The following MFSD6 variants were observed in gnomAD, a reference collection of about 807,000 sequenced individuals.
MFSD6 encodes major facilitator superfamily domain-containing protein 6.
Under a neutral mutation model 56.3 loss-of-function variants are expected in MFSD6, and 26 were observed. The ratio of observed to expected loss-of-function variants is 0.46; its 90% CI spans 0.34 to 0.64. The LOEUF is 0.64. Ranked by LOEUF, MFSD6 falls within the 30% of genes least tolerant of loss-of-function variation. The pLI, the probability that MFSD6 is intolerant of heterozygous loss-of-function variation, is 0.01. For synonymous variants in MFSD6, 331 were observed against 366.9 expected (o/e 0.90, Z 1.12); for missense variants, 750 against 986.2 (o/e 0.76, Z 3.21).
At position 190,467,765 on chromosome 2, in the gene MFSD6, A is replaced by G. The variant is rs1453506922; in HGVS notation, c.1533-1993A>G. ...ATGGTTGAAAAAAAACACAAGAAGA[A>G]TAAGATTTTGTGACACATGAAAATT... On this transcript the variant is annotated intron_variant, in intron 3 of 7. Transcript: ENST00000392328. The surrounding 1 kb of genome is among the most constrained non-coding windows in gnomAD (Gnocchi z 5.5). 6.6e-6 allele frequency among the ~76,000 whole-genome samples: 1 copy of G among 152,220 alleles called. No individual in the cohort carries two copies. Among genetic ancestry groups the G allele is most frequent in the Non-Finnish European group, 1.5e-5 (1 of 68,040 alleles).
Position 190,488,655 on chromosome 2 carries a change from A to C in MFSD6, c.1631-2A>C. On this transcript the variant is annotated splice_acceptor_variant, in intron 4 of 7. Coordinates refer to ENST00000392328, the MANE Select transcript of MFSD6 (RefSeq NM_017694.4). LOFTEE classifies it high-confidence loss of function. This position sits in a 1 kb window ranked among gnomAD's most constrained non-coding sequence, Gnocchi z 6.4. ...ATCCCTCCTGCTCTTCTTCCTCTCC[A>C]GGAGTGACACACGCGGCCATCTGGG... 6.5e-7 allele frequency: 1 copy of C among 1,534,238 alleles called. No individual in the cohort carries two copies. Among genetic ancestry groups the C allele is most frequent in the Non-Finnish European group, 8.8e-7 (1 of 1,140,088 alleles).
At chr2:190,481,996 T>TC (rs1215389338) in intron 4 of MFSD6, among the ~76,000 whole-genome samples, 9 of 152,172 alleles carry the variant, frequency 5.9e-5, no homozygotes, top group African/African-American at 2.2e-4. Flanking sequence ...TTTCCCAGCC[T>TC]CCCTTGCAGT....
rs571346764 is a variant in MFSD6, at chr2:190,457,691, T to A, written c.1533-12067T>A. On this transcript the variant is annotated intron_variant, in intron 3 of 7. Transcript: ENST00000392328. The surrounding 1 kb of genome is among the most constrained non-coding windows in gnomAD (Gnocchi z 5.1). ...ATTTGCATTTAATTTAATGGTAGCT[T>A]ACATATTTGCACAGTGTTTTGCAGT... 1.3e-5 allele frequency among the ~76,000 whole-genome samples: 2 copies of A among 152,340 alleles called. No individual in the cohort carries two copies. The highest frequency in any genetic ancestry group is 3.9e-4 in the East Asian group (2 of 5,184).
chr2:190,432,869 T>C lies in MFSD6; in HGVS notation c.-53-3108T>C, dbSNP rs187837229. ...TCTCTCTCTCTCTCTTTCACTCACT[T>C]ACTCACACATACACTCTTTCTCTTA... On this transcript the variant is annotated intron_variant, in intron 2 of 7. Transcript: ENST00000392328. 2.1e-3 allele frequency among the ~76,000 whole-genome samples: 300 copies of C among 146,110 alleles called. 1 individual carries two copies. The highest frequency in any genetic ancestry group is 3.6e-3 in the Non-Finnish European group (238 of 66,358).
At position 190,456,514 on chromosome 2, in the gene MFSD6, G is replaced by A. The variant is rs1001584134; in HGVS notation, c.1533-13244G>A. ...CCGCTGGTGATATGAGCCCCACTCC[G>A]GGAACTCCCTGGCTGCTCTAGGAAC... On this transcript the variant is annotated intron_variant, in intron 3 of 7. Coordinates refer to ENST00000392328, the MANE Select transcript of MFSD6 (RefSeq NM_017694.4). This position sits in a 1 kb window ranked among gnomAD's most constrained non-coding sequence, Gnocchi z 5.4. Among the ~76,000 whole-genome samples the A allele has an allele frequency of 3.3e-5, 5 of 152,260 alleles. No homozygotes were observed. The highest frequency in any genetic ancestry group is 1.9e-4 in the East Asian group (1 of 5,168).
rs1163811892 is a variant in MFSD6 at position 190,439,416 on chromosome 2, C to T, written c.1532+1855C>T. 6.6e-5 allele frequency among the ~76,000 whole-genome samples: 10 copies of T among 151,814 alleles called. No individual in the cohort carries two copies. Among genetic ancestry groups the T allele is most frequent in the African/African-American group, 1.2e-4 (5 of 41,320 alleles). On this transcript the variant is annotated intron_variant, in intron 3 of 7. Coordinates refer to ENST00000392328, the MANE Select transcript of MFSD6 (RefSeq NM_017694.4). The surrounding 1 kb of genome is among the most constrained non-coding windows in gnomAD (Gnocchi z 5.8). ...TAAGTTTTAGGGTACACGTGCACAACGTGCAGATTTGTTGCATGTGTATAG... is the reference window on the plus strand; with the variant it reads ...TAAGTTTTAGGGTACACGTGCACAATGTGCAGATTTGTTGCATGTGTATAG...
chr2:190,495,263 ATAAAG>A lies in MFSD6; in HGVS notation c.1892-2173_1892-2169del, dbSNP rs1689604240. On this transcript the variant is annotated intron_variant, in intron 6 of 7. Coordinates refer to ENST00000392328, the MANE Select transcript of MFSD6 (RefSeq NM_017694.4). This position sits in a 1 kb window ranked among gnomAD's most constrained non-coding sequence, Gnocchi z 4.7. ...ACACCTTTTATAATAGCTGCAAAAA[ATAAAG>A]TATTTAGGAATACACCTAACCAAGG... 1.3e-5 allele frequency among the ~76,000 whole-genome samples: 2 copies of A among 152,160 alleles called. No individual in the cohort carries two copies. Among genetic ancestry groups the A allele is most frequent in the South Asian group, 4.1e-4 (2 of 4,830 alleles).
chr2:190,497,863 C>A lies in MFSD6; in HGVS notation c.2172+144C>A, dbSNP rs1395892493. On this transcript the variant is annotated intron_variant, in intron 7 of 7. Transcript: ENST00000392328. The surrounding 1 kb of genome is among the most constrained non-coding windows in gnomAD (Gnocchi z 5.2). ...TAGACATGCAAACAATTTCAGTACT[C>A]TGTGAGCACTGAGTTAAAGAGGGTG... 2 of 927,128 alleles carry A rather than the reference C, an allele frequency of 2.2e-6. No homozygotes were observed. Among genetic ancestry groups the A allele is most frequent in the Non-Finnish European group, 3.2e-6 (2 of 627,336 alleles). 57.4% of individuals were successfully genotyped at this position (927,128 alleles called of 1,614,324 possible). A position where few individuals can be genotyped will look rare whatever the true frequency, so the allele number is the denominator to read the frequency against.
rs1686269617 is a variant in MFSD6 at position 190,438,821 on chromosome 2, A to G, written c.1532+1260A>G. 6.6e-6 allele frequency among the ~76,000 whole-genome samples: 1 copy of G among 152,218 alleles called. No homozygotes were observed. The highest frequency in any genetic ancestry group is 2.4e-5 in the African/African-American group (1 of 41,458). On this transcript the variant is annotated intron_variant, in intron 3 of 7. Transcript: ENST00000392328. The surrounding 1 kb of genome is among the most constrained non-coding windows in gnomAD (Gnocchi z 5.2). ...ACAATCCTTTATTTCCTTTCTATTA[A>G]CTGAAGAAAATATTTTCTAATTTAA... is the stretch of plus-strand genomic sequence containing the variant.
rs765990805 is a variant in MFSD6 at position 190,500,205 on chromosome 2, C to T, written c.2363C>T (p.Ala788Val). 25 of 1,614,008 alleles carry T rather than the reference C, an allele frequency of 1.5e-5. 1 individual carries two copies. Among genetic ancestry groups the T allele is most frequent in the South Asian group, 6.6e-5 (6 of 91,078 alleles). The change falls in exon 8 of 8, where the codon GCG becomes GTG. Residue 788 changes from alanine (A) to valine (V), a missense_variant. By Grantham distance (64) the Ala-to-Val change is moderately conservative (BLOSUM62 0). Around this residue, in one of 5 missense-constraint regions of MFSD6, gnomAD observed 172 missense variants for 203.9 expected, o/e 0.84. Transcript: ENST00000392328. This position sits in a 1 kb window ranked among gnomAD's most constrained non-coding sequence, Gnocchi z 5.3. Reference sequence around the variant, plus strand: ...GAAGAGCAGCAGGCTCAGCTGGCCGCGGGAGGACACTGAGGGCATCCTGCT... The same window carrying T: ...GAAGAGCAGCAGGCTCAGCTGGCCGTGGGAGGACACTGAGGGCATCCTGCT... ...ESEEQQAQLA[A>V]GGH
At position 190,426,519 on chromosome 2, in the gene MFSD6, T is replaced by G. The variant is rs755933312; in HGVS notation, c.-53-9458T>G. On this transcript the variant is annotated intron_variant, in intron 2 of 7. Coordinates refer to ENST00000392328, the MANE Select transcript of MFSD6 (RefSeq NM_017694.4). The surrounding 1 kb of genome is among the most constrained non-coding windows in gnomAD (Gnocchi z 4.7). ...TAAATTCAGGGGGTACAATGCATGT[T>G]TGTTACATGGGTATATTGTGTAGTT... 1.3e-5 allele frequency among the ~76,000 whole-genome samples: 2 copies of G among 152,218 alleles called. No homozygotes were observed. Among genetic ancestry groups the G allele is most frequent in the African/African-American group, 4.8e-5 (2 of 41,460 alleles).
At position 190,412,468 on chromosome 2, in the gene MFSD6, C is replaced by T; in HGVS notation, c.-175-2824C>T. The stretch of plus-strand genomic sequence containing the variant: ...TAAAGGCAGAAATCAAGTGCAAAGT[C>T]CTACCCTACTACAAGGCCAGTTTGG... On this transcript the variant is annotated intron_variant, in intron 1 of 7. Transcript: ENST00000392328. This position sits in a 1 kb window ranked among gnomAD's most constrained non-coding sequence, Gnocchi z 4.1. The T allele has an allele frequency of 5.1e-6, 5 of 985,360 alleles. No homozygotes were observed. Among genetic ancestry groups the T allele is most frequent in the Non-Finnish European group, 6.0e-6 (5 of 829,902 alleles). The allele number at this position is 985,360 out of a possible 1,614,324, so 61.0% of individuals were successfully genotyped here. A position where few individuals can be genotyped will look rare whatever the true frequency, so the allele number is the denominator to read the frequency against.
At position 190,463,880 on chromosome 2, in the gene MFSD6, G is replaced by A. The variant is rs1030800396; in HGVS notation, c.1533-5878G>A. ...CTGAGAATGATGGAGCCCAATCTAA[G>A]GGCGCACCATATACTGTCTACCATA... On this transcript the variant is annotated intron_variant, in intron 3 of 7. Coordinates refer to ENST00000392328, the MANE Select transcript of MFSD6 (RefSeq NM_017694.4). The surrounding 1 kb of genome is among the most constrained non-coding windows in gnomAD (Gnocchi z 4.4). 1.0e-6 allele frequency: 1 copy of A among 984,410 alleles called. No individual in the cohort carries two copies. Among genetic ancestry groups the A allele is most frequent in the African/African-American group, 1.7e-5 (1 of 57,298 alleles). The allele number at this position is 984,410 out of a possible 1,614,324, so 61.0% of individuals were successfully genotyped here.
At chr2:190,493,138 C>T (rs573646498) in intron 6 of MFSD6, among the ~76,000 whole-genome samples, 5 of 152,062 alleles carry the variant, frequency 3.3e-5, no homozygotes, top group South Asian at 2.1e-4. Context: ...TCAAGAGACT[C>T]GCCTAACACA....
rs961258458 is a variant in MFSD6, at chr2:190,415,561, T to C, written c.-54+148T>C. 1 of 152,206 alleles carries C rather than the reference T, an allele frequency of 6.6e-6. No individual in the cohort carries two copies. The highest frequency in any genetic ancestry group is 2.4e-5 in the African/African-American group (1 of 41,442). The allele number at this position is 152,206 out of a possible 1,614,324, so 9.4% of individuals were successfully genotyped here. On this transcript the variant is annotated intron_variant, in intron 2 of 7. Transcript: ENST00000392328. This position sits in a 1 kb window ranked among gnomAD's most constrained non-coding sequence, Gnocchi z 4.5. ...CTGGGATTACGGATGTGAGCCACTGTGCTCAGCCACTTTTTTATTTTATGG... is the reference window on the plus strand; with the variant it reads ...CTGGGATTACGGATGTGAGCCACTGCGCTCAGCCACTTTTTTATTTTATGG...
Position 190,488,750 on chromosome 2 carries a change from A to G in MFSD6, c.1724A>G (p.Gln575Arg). ...AGGACATCTGCTCAGGGCATCCTGC[A>G]GGGCCTTCACCTGGGTTTGGGAAGA... The part of the protein sequence containing the change: ...ELRTSAQGIL[Q>R]GLHLGLGRGC... The change falls in exon 5 of 8, where the codon CAG (glutamine) becomes CGG (arginine). Residue 575 changes from glutamine to arginine, a missense_variant. Around this residue, in one of 5 missense-constraint regions of MFSD6, gnomAD observed 125 missense variants for 223.1 expected, o/e 0.56. Coordinates refer to ENST00000392328, the MANE Select transcript of MFSD6 (RefSeq NM_017694.4). This position sits in a 1 kb window ranked among gnomAD's most constrained non-coding sequence, Gnocchi z 6.4. 1.2e-6 allele frequency: 2 copies of G among 1,610,542 alleles called. No individual in the cohort carries two copies. Among genetic ancestry groups the G allele is most frequent in the Non-Finnish European group, 1.7e-6 (2 of 1,178,464 alleles).
chr2:190,498,977 G>A lies in MFSD6; in HGVS notation c.2173-1038G>A, dbSNP rs895686972. On this transcript the variant is annotated intron_variant, in intron 7 of 7. Coordinates refer to ENST00000392328, the MANE Select transcript of MFSD6 (RefSeq NM_017694.4). This position sits in a 1 kb window ranked among gnomAD's most constrained non-coding sequence, Gnocchi z 5.9. ...AGCCTGGCCAAGATGGTGAAACCCC[G>A]TCTCTACTAAAAATATAAAAATTAG... is the stretch of plus-strand genomic sequence containing the variant. 7.3e-5 allele frequency among the ~76,000 whole-genome samples: 11 copies of A among 151,596 alleles called. No homozygotes were observed. The highest frequency in any genetic ancestry group is 9.7e-5 in the African/African-American group (4 of 41,258).
In MFSD6 at chr2:190,417,110, G is replaced by C. The variant is rs1310550831; in HGVS notation, c.-54+1697G>C. ...CCTATAAATCCTACAGTAGATGTGA[G>C]AACAATCTCTAGAAGTAGAGGAAGG... On this transcript the variant is annotated intron_variant, in intron 2 of 7. Transcript: ENST00000392328. This position sits in a 1 kb window ranked among gnomAD's most constrained non-coding sequence, Gnocchi z 5.7. Among the ~76,000 whole-genome samples the C allele has an allele frequency of 6.6e-6, 1 of 152,040 alleles. No homozygotes were observed. Among genetic ancestry groups the C allele is most frequent in the African/African-American group, 2.4e-5 (1 of 41,400 alleles).
At position 190,459,478 on chromosome 2, in the gene MFSD6, G is replaced by C. The variant is rs944978830; in HGVS notation, c.1533-10280G>C. On this transcript the variant is annotated intron_variant, in intron 3 of 7. Coordinates refer to ENST00000392328, the MANE Select transcript of MFSD6 (RefSeq NM_017694.4). This position sits in a 1 kb window ranked among gnomAD's most constrained non-coding sequence, Gnocchi z 5.3. ...AAATTTTTAAACAAAATTGTAGGGG[G>C]TGTGTGTGTGAATATGTTCAGTCAT... Among the ~76,000 whole-genome samples the C allele has an allele frequency of 2.0e-5, 3 of 152,088 alleles. No individual in the cohort carries two copies. The highest frequency in any genetic ancestry group is 4.4e-5 in the Non-Finnish European group (3 of 68,022).
Sources: gnomAD v4.1 joint callset for allele counts (sites outside exome capture counted in the v4.1 genomes callset) on GRCh38, gnomAD v4.1.1 for gene constraint, gnomAD v4.1.1 regional missense constraint, Gnocchi (gnomAD v3.1) non-coding constraint, MANE v1.5 for transcripts, NCBI Gene and HGNC (gene_info 2026-07-23, HGNC 2026-07-21) for gene names.